Variants in CHIA observed in about 807,000 individuals in gnomAD.
CHIA encodes the protein acidic mammalian chitinase.
In CHIA, 47 loss-of-function variants were observed where a neutral mutation model predicts 53.5. The ratio of observed to expected loss-of-function variants is 0.88; its 90% CI spans 0.70 to 1.12. The LOEUF (loss-of-function observed/expected upper bound fraction) is 1.12, where lower values mean the gene tolerates loss of function less well. CHIA is among the 50% of genes most tolerant of loss of function. The pLI is 0.00. For missense variants in CHIA, 652 were observed against 592.2 expected (o/e 1.10, Z -1.05); for synonymous variants, 268 against 222.2 (o/e 1.21, Z -1.83).
intron 3 of CHIA, 143 bp downstream of exon 3, chr1:111,311,861 A>C (rs899496005): frequency 1.2e-6 from 1 of 854,462 alleles, no homozygotes. Context: ...TGTCACTGCT[A>C]TCCTCTTCAG....
intron 1 of CHIA, among the ~76,000 whole-genome samples, chr1:111,293,925 C>CA (rs943977833): frequency 6.6e-6 from 1 of 151,916 alleles, no homozygotes; most frequent in African/African-American, 2.4e-5. Context: ...ATAAAAAATA[C>CA]AAAAAAATTA....
chr1:111,291,530 G>A (rs1239217431), intron 1 of CHIA, among the ~76,000 whole-genome samples: 1 of 151,538 alleles, frequency 6.6e-6, no homozygotes, highest in African/African-American at 2.4e-5. Context: ...GGGCAAGGGG[G>A]GGAGAGCATT....
intron 1 of CHIA, among the ~76,000 whole-genome samples, chr1:111,304,198 A>G (rs1413300742): frequency 6.6e-6 from 1 of 151,862 alleles, no homozygotes; most frequent in East Asian, 1.9e-4. Context: ...ATTTGATTAT[A>G]TTGTGTCTTG....
chr1:111,309,940 A>G (rs1648525866), intron 1 of CHIA, among the ~76,000 whole-genome samples: 1 of 152,198 alleles, frequency 6.6e-6, no homozygotes, highest in Non-Finnish European at 1.5e-5. Context: ...TCCAAAGAAC[A>G]TGTGTGAGTA....
intron 6 of CHIA, chr1:111,316,100 C>A: frequency 3.6e-6 from 1 of 277,188 alleles, no homozygotes. Flanking sequence ...GAAAGTGATG[C>A]TTGGGCTCAG....
intron 4 of CHIA, among the ~76,000 whole-genome samples, chr1:111,312,774 C>A (rs12136028): frequency 6.6e-6 from 1 of 151,794 alleles, no homozygotes; most frequent in Admixed American, 6.6e-5. Flanking sequence ...AATTTTGTAT[C>A]CTTTGACCAA....
rs1649542365 is a variant in CHIA, at chr1:111,320,224, C to T, written c.1189C>T (p.Pro397Ser). 2.5e-6 allele frequency: 4 copies of T among 1,613,714 alleles called. No homozygotes were observed. The highest frequency in any genetic ancestry group is 3.4e-6 in the Non-Finnish European group (4 of 1,179,868). ...LGLQSASCTA[P>S]AQPIEPITAA... is the part of the protein sequence containing the mutation. ...GCTGTATGTTTCAGGTTGCACGGCT[C>T]CAGCTCAGCCCATTGAGCCAATAAC... Residue 397 changes from proline (P) to serine (S), a missense_variant, in exon 12 of 12, where the codon CCA becomes TCA. By Grantham distance (74) the Pro-to-Ser change is moderately conservative. Coordinates refer to ENST00000369740, the MANE Select transcript of CHIA (RefSeq NM_201653.4).
rs745790378 is a variant in CHIA at position 111,312,304 on chromosome 1, C to T, written c.170C>T (p.Ala57Val). Residue 57 changes from alanine (A) to valine (V), a missense_variant, in exon 4 of 12, where the codon GCC becomes GTC. By Grantham distance (64) the Ala-to-Val change is moderately conservative. Coordinates refer to ENST00000369740, the MANE Select transcript of CHIA (RefSeq NM_201653.4). ...TGCCTCTGTACCCACCTGATCTACG[C>T]CTTTGCTGGGAGGCAGAACAACGAG... ...DPCLCTHLIY[A>V]FAGRQNNEIT... is the part of the protein sequence containing the mutation. 1.2e-6 allele frequency: 2 copies of T among 1,613,954 alleles called. No homozygotes were observed. The highest frequency in any genetic ancestry group is 1.7e-6 in the Non-Finnish European group (2 of 1,179,958).
At chr1:111,293,485 T>A (rs1661149966) in intron 1 of CHIA, among the ~76,000 whole-genome samples, 2 of 152,242 alleles carry the variant, frequency 1.3e-5, no homozygotes, top group Admixed American at 6.5e-5. Context: ...ATATTCTGAA[T>A]ATCTCTTATC....
intron 2 of CHIA, 63 bp downstream of exon 2, chr1:111,310,555 T>C: frequency 6.2e-7 from 1 of 1,611,918 alleles, no homozygotes; most frequent in Non-Finnish European, 8.5e-7. Flanking sequence ...TCACAGGCTC[T>C]GAAAATCATG....
chr1:111,304,467 A>T (rs960950906), intron 1 of CHIA, among the ~76,000 whole-genome samples: 8 of 150,684 alleles, frequency 5.3e-5, no homozygotes, highest in Admixed American at 3.3e-4. Flanking sequence ...AATAATTTTC[A>T]CTCTCCTATC....
Position 111,294,612 on chromosome 1 carries a change from C to A in CHIA, c.-69+3662C>A, listed in dbSNP as rs558695556. On this transcript the variant is annotated intron_variant, in intron 1 of 11. Transcript: ENST00000369740. Reference sequence around the variant, plus strand: ...GAAGTGGCAAAAGAAGCATTCTTATCTTGTTGCTGATCTTAGAAGAAAAGC... The same window carrying A: ...GAAGTGGCAAAAGAAGCATTCTTATATTGTTGCTGATCTTAGAAGAAAAGC... 7.7e-4 allele frequency among the ~76,000 whole-genome samples: 118 copies of A among 152,262 alleles called. 1 individual carries two copies. Among genetic ancestry groups the A allele is most frequent in the Middle Eastern group, 3.4e-3 (1 of 294 alleles).
intron 1 of CHIA, among the ~76,000 whole-genome samples, chr1:111,300,616 A>C (rs1432575428): frequency 6.6e-6 from 1 of 152,232 alleles, no homozygotes; most frequent in African/African-American, 2.4e-5. Context: ...TTAGACTTAA[A>C]ACCATAAAAA....
chr1:111,311,439 G>A (rs77148800), intron 2 of CHIA, among the ~76,000 whole-genome samples: 2,485 of 152,196 alleles, frequency 0.016, 48 homozygotes, highest in Admixed American at 0.058. Flanking sequence ...AGTAAACTTC[G>A]GACTCAGCAT....
chr1:111,314,598 T>TA lies in CHIA; in HGVS notation c.314+4dup. ...AGGCTGGAACTTCGGGACTGCCCCG[T>TA]AAGTCTTCTATGGAGAGCATGTTGT... On this transcript the variant is annotated splice_region_variant and intron_variant, in intron 5 of 11. Coordinates refer to ENST00000369740, the MANE Select transcript of CHIA (RefSeq NM_201653.4). 6.2e-7 allele frequency: 1 copy of TA among 1,610,706 alleles called. No homozygotes were observed. Among genetic ancestry groups the TA allele is most frequent in the Non-Finnish European group, 8.5e-7 (1 of 1,176,880 alleles).
At position 111,315,300 on chromosome 1, in the gene CHIA, C is replaced by T. The variant is rs773377860; in HGVS notation, c.345C>T (p.Asn115=). 6.2e-6 allele frequency: 10 copies of T among 1,612,718 alleles called. No homozygotes were observed. The highest frequency in any genetic ancestry group is 1.1e-5 in the South Asian group (1 of 91,020). ...PFTAMVSTPE[N]RQTFITSVIK... The stretch of plus-strand genomic sequence containing the variant: ...CTGCCATGGTTTCTACTCCTGAGAA[C>T]CGCCAGACTTTCATCACCTCAGTCA... The change falls in exon 6 of 12, where the codon AAC becomes AAT. Residue 115 remains asparagine, a synonymous_variant. Transcript: ENST00000369740.
chr1:111,306,605 T>C (rs933616156), intron 1 of CHIA, among the ~76,000 whole-genome samples: 3 of 152,188 alleles, frequency 2.0e-5, no homozygotes, highest in Non-Finnish European at 2.9e-5. Flanking sequence ...CATTTGACTT[T>C]ATTAAAATTA....
intron 1 of CHIA, among the ~76,000 whole-genome samples, chr1:111,291,370 TGAAGCTG>T (rs1183462311): frequency 2.0e-5 from 3 of 152,138 alleles, no homozygotes; most frequent in African/African-American, 7.2e-5. Context: ...GGGACATGGA[TGAAGCTG>T]GAAGCTATCA....
At chr1:111,307,127 T>G (rs1054069347) in intron 1 of CHIA, among the ~76,000 whole-genome samples, 1 of 152,130 alleles carries the variant, frequency 6.6e-6, no homozygotes, top group African/African-American at 2.4e-5. Context: ...CTGTTGTAAA[T>G]GAGTACCAAG....
Sources: gnomAD v4.1 joint callset for allele counts (sites outside exome capture counted in the v4.1 genomes callset) on GRCh38, gnomAD v4.1.1 for gene constraint, MANE v1.5 for transcripts, NCBI Gene and HGNC (gene_info 2026-07-23, HGNC 2026-07-21) for gene names.